Variants in ABCB6 observed in about 807,000 individuals in gnomAD.
ABCB6 encodes ATP-binding cassette sub-family B member 6.
ABCB6 carries 87 observed loss-of-function variants against 99.4 expected under a neutral mutation model. The ratio of observed to expected loss-of-function variants is 0.88; its 90% confidence interval spans 0.74 to 1.05. The LOEUF is 1.05. ABCB6 is among the 50% of genes least tolerant of loss of function. The probability of loss-of-function intolerance (pLI) is 0.00; values close to 1 mark genes in which losing one functional copy is unlikely to be tolerated. For missense variants in ABCB6, 1,050 were observed against 1,097.9 expected (o/e 0.96, Z 0.62); for synonymous variants, 482 against 447.5 (o/e 1.08, Z -0.97).
In ABCB6 at chr2:219,210,992, C is replaced by T. The variant is rs1322828159; in HGVS notation, c.2085G>A (p.Glu695=). The T allele has an allele frequency of 2.2e-5, 36 of 1,614,070 alleles. No individual in the cohort carries two copies. Among genetic ancestry groups the T allele is most frequent in the Non-Finnish European group, 2.7e-5 (32 of 1,180,050 alleles). Residue 695 remains glutamate, a synonymous_variant, in exon 15 of 19, where the codon GAG becomes GAA. Coordinates refer to ENST00000265316, the MANE Select transcript of ABCB6 (RefSeq NM_005689.4). ...RYGRVTAGND[E]VEAAAQAAGI... ...CTGCAGCCTGAGCAGCAGCCTCCAC[C>T]TCATCATTCCCAGCTGTGACACGGC...
rs767150800 is a variant in ABCB6, at chr2:219,217,739, G to A, written c.618C>T (p.Ala206=). The A allele has an allele frequency of 8.1e-6, 13 of 1,613,834 alleles. No individual in the cohort carries two copies. The highest frequency in any genetic ancestry group is 1.6e-4 in the Middle Eastern group (1 of 6,084). Residue 206 remains alanine, a synonymous_variant, in exon 2 of 19, where the codon GCC becomes GCT. Transcript: ENST00000265316. ...SGGLFVLGLW[A]PGLRPQSYTL... is the part of the protein sequence containing the mutation. ...TATAGGACTGGGGACGAAGTCCAGG[G>A]GCCCAGAGACCCAGGACAAACAGCC...
intron 14 of ABCB6, among the ~76,000 whole-genome samples, chr2:219,211,803 G>A (rs1950582424): frequency 7.5e-6 from 1 of 133,850 alleles, no homozygotes; most frequent in Non-Finnish European, 1.6e-5. Flanking sequence ...TTGCACTCTT[G>A]CCCAGGCTGG....
chr2:219,217,586 G>T, intron 2 of ABCB6, 84 bp downstream of exon 2: 3 of 1,191,278 alleles, frequency 2.5e-6, no homozygotes, highest in Non-Finnish European at 3.6e-6. Context: ...GGAGGTTGCA[G>T]TGAGCTGAGA....
rs1950673696 is a variant in ABCB6 at position 219,218,340 on chromosome 2, C to T, written c.334G>A (p.Val112Met). Residue 112 changes from valine to methionine, a missense_variant, in exon 1 of 19, where the codon GTG becomes ATG. Physicochemically the swap from Val to Met is conservative, Grantham distance 21. Transcript: ENST00000265316. ...CAGGCGCCGGCCAGACTCTCCAGCA[C>T]GGAGGCCAGAAGTAGATAGCTTGGC... ...PLPSYLLLAS[V>M]LESLAGACGL... The T allele has an allele frequency of 6.2e-7, 1 of 1,613,082 alleles. No individual in the cohort carries two copies. Among genetic ancestry groups the T allele is most frequent in the African/African-American group, 1.3e-5 (1 of 74,946 alleles).
Position 219,213,225 on chromosome 2 carries a change from A to T in ABCB6, c.1805+16T>A. The stretch of plus-strand genomic sequence containing the variant: ...AAATGAACGGAAAAGCAAAGGAAGC[A>T]AAAGGAAGGCCTCACCCATCGGCAT... On this transcript the variant is annotated intron_variant, in intron 12 of 18. Coordinates refer to ENST00000265316, the MANE Select transcript of ABCB6 (RefSeq NM_005689.4). 1 of 1,614,016 alleles carries T rather than the reference A, an allele frequency of 6.2e-7. No individual in the cohort carries two copies. The highest frequency in any genetic ancestry group is 2.2e-5 in the East Asian group (1 of 44,878).
rs546932487 is a variant in ABCB6, at chr2:219,210,455, T to G, written c.2277A>C (p.Thr759=). 2.5e-6 allele frequency: 4 copies of G among 1,614,066 alleles called. No individual in the cohort carries two copies. In the African/African-American group the frequency reaches 4.0e-5, roughly 16 times the overall value. ...LLDEATSALD[T]SNERAIQASL... is the part of the protein sequence containing the mutation. Reference sequence around the variant, plus strand: ...AAGCCTGGATGGCCCTCTCATTAGATGTATCCAGCGCTGACGTTGCCTATA... The same window carrying G: ...AAGCCTGGATGGCCCTCTCATTAGAGGTATCCAGCGCTGACGTTGCCTATA... Residue 759 remains threonine (T), a synonymous_variant, in exon 17 of 19, where the codon ACA becomes ACC. Transcript: ENST00000265316.
chr2:219,214,194 A>G lies in ABCB6; in HGVS notation c.1387-8T>C. On this transcript the variant is annotated splice_polypyrimidine_tract_variant and splice_region_variant and intron_variant, in intron 7 of 18. Coordinates refer to ENST00000265316, the MANE Select transcript of ABCB6 (RefSeq NM_005689.4). ...GGCGTTGTAATACTTCACCTGATGAATTCAAACCAAATTTATTTGGCATGG... is the reference window on the plus strand; with the variant it reads ...GGCGTTGTAATACTTCACCTGATGAGTTCAAACCAAATTTATTTGGCATGG... 1 of 1,614,136 alleles carries G rather than the reference A, an allele frequency of 6.2e-7. No homozygotes were observed. The highest frequency in any genetic ancestry group is 1.1e-5 in the South Asian group (1 of 91,078).
chr2:219,210,315 C>CGACT lies in ABCB6; in HGVS notation c.2352-18_2352-17insAGTC. On this transcript the variant is annotated splice_polypyrimidine_tract_variant and intron_variant, in intron 17 of 18. Coordinates refer to ENST00000265316, the MANE Select transcript of ABCB6 (RefSeq NM_005689.4). ...GTTGAGAGCCTGAGAAGTCAAAGAT[C>CGACT]AGTCGCCTACTACCCCACCCAAAGC... The CGACT allele has an allele frequency of 2.1e-5, 34 of 1,614,224 alleles. No individual in the cohort carries two copies. Among genetic ancestry groups the CGACT allele is most frequent in the Non-Finnish European group, 2.7e-5 (32 of 1,180,040 alleles).
At position 219,214,192 on chromosome 2, in the gene ABCB6, G is replaced by C; in HGVS notation, c.1387-6C>G. The stretch of plus-strand genomic sequence containing the variant: ...TCGGCGTTGTAATACTTCACCTGAT[G>C]AATTCAAACCAAATTTATTTGGCAT... On this transcript the variant is annotated splice_polypyrimidine_tract_variant and splice_region_variant and intron_variant, in intron 7 of 18. Coordinates refer to ENST00000265316, the MANE Select transcript of ABCB6 (RefSeq NM_005689.4). 6.2e-7 allele frequency: 1 copy of C among 1,614,106 alleles called. No homozygotes were observed. The highest frequency in any genetic ancestry group is 2.2e-5 in the East Asian group (1 of 44,882).
At position 219,214,017 on chromosome 2, in the gene ABCB6, G is replaced by A. The variant is rs535952795; in HGVS notation, c.1453-66C>T. ...ATGGCCATCAGTGAGTCCAAACCTGGGCCCAGGCCCCTTCTACCCCAACAC... is the reference window on the plus strand; with the variant it reads ...ATGGCCATCAGTGAGTCCAAACCTGAGCCCAGGCCCCTTCTACCCCAACAC... On this transcript the variant is annotated intron_variant, in intron 8 of 18. Transcript: ENST00000265316. 1,137 of 1,612,828 alleles carry A rather than the reference G, an allele frequency of 7.0e-4. 14 individuals carry two copies. In the South Asian group the frequency reaches 0.012, roughly 17 times the overall value.
rs1020006400 is a variant in ABCB6, at chr2:219,216,894, C to A, written c.688-62G>T. 3 of 1,472,358 alleles carry A rather than the reference C, an allele frequency of 2.0e-6. No homozygotes were observed. The highest frequency in any genetic ancestry group is 9.1e-7 in the Non-Finnish European group (1 of 1,097,238). The allele number at this position is 1,472,358 out of a possible 1,614,324, so 91.2% of individuals were successfully genotyped here. ...ATCAAGTAAGTGCACTAGCCAGAAA[C>A]CCTTCAGGGAAAAACCTATGGGGTT... On this transcript the variant is annotated intron_variant, in intron 2 of 18. Coordinates refer to ENST00000265316, the MANE Select transcript of ABCB6 (RefSeq NM_005689.4). This position sits in a 1 kb window ranked among gnomAD's most constrained non-coding sequence, Gnocchi z 4.2.
chr2:219,215,233 C>A (rs1199041357), intron 5 of ABCB6, 151 bp from the exon 6 acceptor site: 3 of 878,196 alleles, frequency 3.4e-6, no homozygotes, highest in Non-Finnish European at 5.1e-6. Flanking sequence ...GTGGCTAAAT[C>A]AACCATGCTC....
chr2:219,216,380 AC>A lies in ABCB6; in HGVS notation c.953del (p.Gly318ValfsTer9), dbSNP rs777439793. 20 of 1,613,528 alleles carry A rather than the reference AC, an allele frequency of 1.2e-5. No homozygotes were observed. In the Admixed American group the frequency reaches 2.7e-4, roughly 22 times the overall value. On this transcript the variant is annotated frameshift_variant, in exon 4 of 19. Coordinates refer to ENST00000265316, the MANE Select transcript of ABCB6 (RefSeq NM_005689.4). LOFTEE classifies it high-confidence loss of function. The surrounding 1 kb of genome is among the most constrained non-coding windows in gnomAD (Gnocchi z 4.2). ...CTCTCATACCTGTACTGCCAGTGCC[AC>A]CCCCCTGGAGGAACTTGAGGAAGAC... The part of the protein sequence containing the change: ...SYVFLKFLQG[G>X]GTGSTGFVSN...
rs180973855 is a variant in ABCB6 at position 219,217,977 on chromosome 2, T to G, written c.549+148A>C. On this transcript the variant is annotated intron_variant, in intron 1 of 18. Coordinates refer to ENST00000265316, the MANE Select transcript of ABCB6 (RefSeq NM_005689.4). ...CTCAGCAAAGACACACCCCACCAGC[T>G]GGCTATCAGCTCCCGGCAGGACTCA... 6.8e-4 allele frequency: 916 copies of G among 1,350,166 alleles called. 8 individuals are homozygous for G. In the African/African-American group the frequency reaches 0.012, roughly 17 times the overall value. The allele number at this position is 1,350,166 out of a possible 1,614,324, so 83.6% of individuals were successfully genotyped here. A position where few individuals can be genotyped will look rare whatever the true frequency, so the allele number is the denominator to read the frequency against.
Position 219,213,632 on chromosome 2 carries a change from A to T in ABCB6, c.1613T>A (p.Ile538Asn), listed in dbSNP as rs1950604717. 6.2e-7 allele frequency: 1 copy of T among 1,614,086 alleles called. No homozygotes were observed. Among genetic ancestry groups the T allele is most frequent in the African/African-American group, 1.3e-5 (1 of 74,938 alleles). Residue 538 changes from isoleucine to asparagine, a missense_variant, in exon 10 of 19, where the codon ATC becomes AAC. Coordinates refer to ENST00000265316, the MANE Select transcript of ABCB6 (RefSeq NM_005689.4). ...CCAATTGAGGGGCATGTACAGCTGG[A>T]TAATGTAGGTGCCAAAGAGCACATA... ...GDYVLFGTYI[I>N]QLYMPLNWFG...
Position 219,210,811 on chromosome 2 carries a change from T to C in ABCB6, c.2156A>G (p.Gln719Arg). The change falls in exon 16 of 19, where the codon CAG (glutamine) becomes CGG (arginine). Residue 719 changes from glutamine (Q) to arginine (R), a missense_variant. By Grantham distance (43) the Gln-to-Arg change is conservative (BLOSUM62 1). Transcript: ENST00000265316. ...IMAFPEGYRT[Q>R]VGERGLKLSG... ...CAGCTTCAGTCCCCGCTCGCCCACCTGTGTCCTGTACCCTGTGGATATTAC... is the reference window on the plus strand; with the variant it reads ...CAGCTTCAGTCCCCGCTCGCCCACCCGTGTCCTGTACCCTGTGGATATTAC... 1 of 1,613,924 alleles carries C rather than the reference T, an allele frequency of 6.2e-7. No homozygotes were observed. The highest frequency in any genetic ancestry group is 8.5e-7 in the Non-Finnish European group (1 of 1,179,986).
Position 219,210,377 on chromosome 2 carries a change from G to A in ABCB6, c.2351+4C>T, listed in dbSNP as rs775896055. The A allele has an allele frequency of 9.9e-6, 16 of 1,614,236 alleles. No individual in the cohort carries two copies. Among genetic ancestry groups the A allele is most frequent in the South Asian group, 5.5e-5 (5 of 91,088 alleles). ...CCAGCCGCCCCAGGCCTGTAGTCCT[G>A]TACCTGTGTGCCACTACGATGGTGG... On this transcript the variant is annotated splice_donor_region_variant and intron_variant, in intron 17 of 18. Transcript: ENST00000265316.
chr2:219,215,294 G>A, intron 5 of ABCB6: 1 of 558,880 alleles, frequency 1.8e-6, no homozygotes, highest in South Asian at 2.3e-5. Context: ...AGACCTTCAG[G>A]CATGGAAGAA....
intron 1 of ABCB6, 112 bp from the exon 2 acceptor site, chr2:219,217,919 T>TA: frequency 7.5e-7 from 1 of 1,341,048 alleles, no homozygotes; most frequent in Non-Finnish European, 9.9e-7. Flanking sequence ...ACTTACAGGC[T>TA]TAAAAAAAAA....
Sources: gnomAD v4.1 joint callset for allele counts (sites outside exome capture counted in the v4.1 genomes callset) on GRCh38, gnomAD v4.1.1 for gene constraint, Gnocchi (gnomAD v3.1) non-coding constraint, MANE v1.5 for transcripts, NCBI Gene and HGNC (gene_info 2026-07-23, HGNC 2026-07-21) for gene names.